Variants in NDST4 observed in about 807,000 individuals in gnomAD.
The protein encoded by NDST4 is N-heparan sulfate sulfotransferase 4.
A neutral mutation model predicts 100.8 loss-of-function variants in NDST4; 63 were observed. That is an observed-to-expected ratio of 0.62 (90% CI 0.51 to 0.77). NDST4 has a LOEUF of 0.77. NDST4 is among the 30% of genes least tolerant of loss of function. The probability of loss-of-function intolerance (pLI) is 0.00; values close to 1 mark genes in which losing one functional copy is unlikely to be tolerated. For synonymous variants in NDST4, 377 were observed against 361.8 expected, an observed-to-expected ratio of 1.04 and a Z score of -0.48; for missense variants, 943 against 1,018.4, an observed-to-expected ratio of 0.93 and a Z score of 1.01.
chr4:114,910,511 C>A (rs963710216), intron 6 of NDST4, among the ~76,000 whole-genome samples: 1 of 152,232 alleles, frequency 6.6e-6, no homozygotes, highest in Admixed American at 6.5e-5. Context: ...AAATTACTAA[C>A]AAGAAATAGC....
At chr4:114,897,262 C>A (rs1036553230) in intron 6 of NDST4, among the ~76,000 whole-genome samples, 1 of 152,150 alleles carries the variant, frequency 6.6e-6, no homozygotes, top group South Asian at 2.1e-4. Context: ...TAACCCCTGG[C>A]AGGCATTGAT....
At chr4:114,884,591 A>G (rs1724438787) in intron 6 of NDST4, among the ~76,000 whole-genome samples, 1 of 152,152 alleles carries the variant, frequency 6.6e-6, no homozygotes, top group South Asian at 2.1e-4. Flanking sequence ...CTCAACAGAC[A>G]TAATGTTTAT....
intron 10 of NDST4, among the ~76,000 whole-genome samples, chr4:114,840,173 T>G (rs997178400): frequency 6.6e-6 from 1 of 152,188 alleles, no homozygotes; most frequent in African/African-American, 2.4e-5. Flanking sequence ...TCCTTTCTGT[T>G]TGAAAGGGTT....
chr4:114,885,650 A>AT (rs1027058906), intron 6 of NDST4, among the ~76,000 whole-genome samples: 2 of 151,920 alleles, frequency 1.3e-5, no homozygotes, highest in African/African-American at 4.8e-5. Context: ...TCTTTGTAAT[A>AT]TTTTTTCAAT....
At chr4:115,030,059 T>C (rs1347912210) in intron 2 of NDST4, among the ~76,000 whole-genome samples, 1 of 152,128 alleles carries the variant, frequency 6.6e-6, no homozygotes, top group Non-Finnish European at 1.5e-5. Context: ...TTTTATGCTA[T>C]GCAATGAAGA....
At chr4:114,876,855 C>T (rs1232001194) in intron 6 of NDST4, among the ~76,000 whole-genome samples, 1 of 152,026 alleles carries the variant, frequency 6.6e-6, no homozygotes, top group East Asian at 1.9e-4. Flanking sequence ...TATAACTTTA[C>T]AAAGTGGTTT....
intron 2 of NDST4, among the ~76,000 whole-genome samples, chr4:115,006,601 G>A (rs189224683): frequency 1.1e-3 from 173 of 152,206 alleles, no homozygotes; most frequent in African/African-American, 4.0e-3. Flanking sequence ...TTCACAGGCA[G>A]AGGAAGAACA....
At position 114,934,763 on chromosome 4, in the gene NDST4, A is replaced by C. The variant is rs567908510; in HGVS notation, c.1536+443T>G. 5.5e-4 allele frequency among the ~76,000 whole-genome samples: 83 copies of C among 151,746 alleles called. 1 individual carries two copies. The highest frequency in any genetic ancestry group is 1.9e-3 in the African/African-American group (80 of 41,432). On this transcript the variant is annotated intron_variant, in intron 6 of 13. Coordinates refer to ENST00000264363, the MANE Select transcript of NDST4 (RefSeq NM_022569.3). ...TAAATATTTTAAATGTTCTTGTTAC[A>C]AAAATAATAAGAATGAGAGATGATA...
intron 2 of NDST4, among the ~76,000 whole-genome samples, chr4:115,005,653 G>A (rs1727396424): frequency 6.6e-6 from 1 of 152,100 alleles, no homozygotes; most frequent in African/African-American, 2.4e-5. Flanking sequence ...CTAATCTTAG[G>A]TATGAATGGG....
intron 2 of NDST4, among the ~76,000 whole-genome samples, chr4:115,060,770 C>T (rs1415259096): frequency 1.3e-5 from 2 of 151,620 alleles, no homozygotes; most frequent in African/African-American, 4.9e-5. Flanking sequence ...GAGAGATACA[C>T]AAAGTTACTT....
intron 6 of NDST4, among the ~76,000 whole-genome samples, chr4:114,871,861 A>G (rs1217386483): frequency 6.6e-6 from 1 of 152,012 alleles, no homozygotes; most frequent in African/African-American, 2.4e-5. Context: ...TAAATGTTTT[A>G]TAACAACCCA....
At chr4:114,900,785 T>G (rs149327915) in intron 6 of NDST4, among the ~76,000 whole-genome samples, 11 of 152,188 alleles carry the variant, frequency 7.2e-5, no homozygotes, top group Non-Finnish European at 1.2e-4. Flanking sequence ...TTCAGTGATA[T>G]AGATTTTCTT....
intron 8 of NDST4, among the ~76,000 whole-genome samples, chr4:114,850,669 G>A (rs1723656782): frequency 6.6e-6 from 1 of 152,184 alleles, no homozygotes; most frequent in Non-Finnish European, 1.5e-5. Context: ...CTCCTCCTTA[G>A]TTTTAATGTA....
At chr4:114,867,661 A>C in intron 7 of NDST4, among the ~76,000 whole-genome samples, 1 of 94,838 alleles carries the variant, frequency 1.1e-5, no homozygotes, top group Non-Finnish European at 2.2e-5. Flanking sequence ...AAAAAAAAAA[A>C]AAGCAAAAAA....
At chr4:114,867,665 C>CAAAAAAAAAAAAAAAAAGAAAA (rs1724061751) in intron 7 of NDST4, among the ~76,000 whole-genome samples, 1 of 79,900 alleles carries the variant, frequency 1.3e-5, no homozygotes, top group Non-Finnish European at 2.3e-5. Context: ...AAAAAAAAAG[C>CAAAAAAAAAAAAAAAAAGAAAA]AAAAAAAAAA....
chr4:115,028,945 A>C (rs78847856), intron 2 of NDST4, among the ~76,000 whole-genome samples: 16,301 of 152,126 alleles, frequency 0.11, 2,556 homozygotes, highest in African/African-American at 0.34. Context: ...TACAGTAGCT[A>C]AGAGCCTAAA....
chr4:114,990,649 G>T (rs1296624173), intron 2 of NDST4, among the ~76,000 whole-genome samples: 1 of 152,010 alleles, frequency 6.6e-6, no homozygotes, highest in Non-Finnish European at 1.5e-5. Context: ...CCTAATTGTT[G>T]CATGTATCAA....
chr4:115,045,822 T>TG (rs1728453685), intron 2 of NDST4, among the ~76,000 whole-genome samples: 1 of 152,102 alleles, frequency 6.6e-6, no homozygotes, highest in Non-Finnish European at 1.5e-5. Context: ...AAAATTGATG[T>TG]GGAAGAAATA....
intron 1 of NDST4, among the ~76,000 whole-genome samples, chr4:115,092,343 G>A (rs1729536059): frequency 6.6e-6 from 1 of 152,146 alleles, no homozygotes; most frequent in Non-Finnish European, 1.5e-5. Context: ...ACTTGGCTGT[G>A]AGGGAGGCTG....
Sources: gnomAD v4.1 joint callset for allele counts (sites outside exome capture counted in the v4.1 genomes callset) on GRCh38, gnomAD v4.1.1 for gene constraint, MANE v1.5 for transcripts, NCBI Gene and HGNC (gene_info 2026-07-23, HGNC 2026-07-21) for gene names.